C4orf36: variants seen among roughly 807,000 people sequenced by gnomAD.
C4orf36 encodes uncharacterized protein C4orf36.
A neutral mutation model predicts 12.2 loss-of-function variants in C4orf36; 11 were observed. The ratio of observed to expected loss-of-function variants is 0.90; its 90% CI spans 0.57 to 1.49. C4orf36 has a LOEUF of 1.49. Ranked by LOEUF, C4orf36 falls within the 40% of genes most tolerant of loss-of-function variation. The probability of loss-of-function intolerance (pLI) is 0.00; values close to 1 mark genes in which losing one functional copy is unlikely to be tolerated. For missense variants in C4orf36, 137 were observed against 133.9 expected (o/e 1.02, Z -0.11); for synonymous variants, 54 against 51.3 (o/e 1.05, Z -0.22).
At chr4:86,906,728 CAAAAA>C in the C4orf36 span, among the ~76,000 whole-genome samples, 4 of 78,830 alleles carry the variant, frequency 5.1e-5, no homozygotes, top group Non-Finnish European at 6.6e-5. Context: ...AAGACGGTCT[CAAAAA>C]AAAAAAAAAA....
the C4orf36 span, among the ~76,000 whole-genome samples, chr4:86,923,236 T>C: frequency 6.6e-6 from 1 of 151,816 alleles, no homozygotes; most frequent in Non-Finnish European, 1.5e-5. Flanking sequence ...AGACTACAGG[T>C]ATGTACCACT....
At chr4:86,918,361 C>T in the C4orf36 span, among the ~76,000 whole-genome samples, 1 of 152,186 alleles carries the variant, frequency 6.6e-6, no homozygotes, top group Non-Finnish European at 1.5e-5. Flanking sequence ...AGTGCCATCT[C>T]CTCCACAGCC....
chr4:86,883,122 G>A (rs1201293553), intron 4 of C4orf36, among the ~76,000 whole-genome samples: 2 of 152,150 alleles, frequency 1.3e-5, no homozygotes, highest in Non-Finnish European at 2.9e-5. Flanking sequence ...AGGGCTCCCT[G>A]GTGGCTCCAG....
the C4orf36 span, among the ~76,000 whole-genome samples, chr4:86,900,961 T>C: frequency 6.6e-6 from 1 of 151,836 alleles, no homozygotes; most frequent in African/African-American, 2.4e-5. Context: ...ATCATGTCTG[T>C]CTGCTCAAAT....
the C4orf36 span, chr4:86,933,078 A>T: frequency 4.6e-5 from 7 of 152,240 alleles, no homozygotes; most frequent in Non-Finnish European, 8.8e-5. Flanking sequence ...CACTTTTTAA[A>T]ATAGCCTTCT....
At chr4:86,936,069 C>T in the C4orf36 span, 1 of 152,142 alleles carries the variant, frequency 6.6e-6, no homozygotes, top group Non-Finnish European at 1.5e-5. Context: ...TTTCTCTTCC[C>T]GGAGCTTCTC....
chr4:86,930,098 C>A, the C4orf36 span, among the ~76,000 whole-genome samples: 1 of 152,202 alleles, frequency 6.6e-6, no homozygotes, highest in Non-Finnish European at 1.5e-5. Flanking sequence ...GGTGCTCTTA[C>A]CTCCAATCCT....
At chr4:86,879,589 G>C (rs761129159) in intron 4 of C4orf36, among the ~76,000 whole-genome samples, 1 of 152,158 alleles carries the variant, frequency 6.6e-6, no homozygotes, top group Non-Finnish European at 1.5e-5. Flanking sequence ...AGACCCAGAA[G>C]AAAAGGGAGA....
At chr4:86,931,014 T>C in the C4orf36 span, among the ~76,000 whole-genome samples, 5 of 152,224 alleles carry the variant, frequency 3.3e-5, no homozygotes, top group Admixed American at 6.5e-5. Flanking sequence ...GGGATTATAA[T>C]TGTAGCCTGA....
chr4:86,919,119 G>GGAGAGA, the C4orf36 span, among the ~76,000 whole-genome samples: 212 of 145,340 alleles, frequency 1.5e-3, 2 homozygotes, highest in African/African-American at 3.6e-3. Flanking sequence ...CCCAGCTCCA[G>GGAGAGA]GAGAGAGAGA....
chr4:86,933,340 G>A, the C4orf36 span: 1 of 152,136 alleles, frequency 6.6e-6, no homozygotes, highest in Admixed American at 6.5e-5. Flanking sequence ...TCATCAATAT[G>A]GCTCGTCACC....
chr4:86,914,528 G>A, the C4orf36 span: 12 of 479,382 alleles, frequency 2.5e-5, no homozygotes, highest in African/African-American at 1.4e-4. Flanking sequence ...AGCCTCCCGG[G>A]TAGCTGGGAT....
At chr4:86,935,402 C>T in the C4orf36 span, 1 of 152,300 alleles carries the variant, frequency 6.6e-6, no homozygotes, top group African/African-American at 2.4e-5. Flanking sequence ...GGTGGGAGCC[C>T]TCGGGGAGAA....
In C4orf36 at chr4:86,887,828, A is replaced by G. The variant is rs779725406; in HGVS notation, c.286T>C (p.Ser96Pro). Reference protein sequence around the residue: ...LCKLKCQENTSKEIQLLLRER... With the variant: ...LCKLKCQENTPKEIQLLLRER... ...CTCAGGAGAAGCTGAATTTCCTTAG[A>G]TGTATTTTCTTGACACTTCAGTTTA... Residue 96 changes from serine to proline, a missense_variant, in exon 4 of 5, where the codon TCT becomes CCT. Coordinates refer to ENST00000295898, the MANE Select transcript of C4orf36 (RefSeq NM_144645.4). The G allele has an allele frequency of 5.0e-6, 8 of 1,614,062 alleles. No individual in the cohort carries two copies. Among genetic ancestry groups the G allele is most frequent in the African/African-American group, 1.3e-5 (1 of 74,940 alleles).
chr4:86,910,537 T>A, the C4orf36 span, among the ~76,000 whole-genome samples: 10 of 149,372 alleles, frequency 6.7e-5, no homozygotes, highest in South Asian at 2.1e-4. Context: ...TGTGAAAATA[T>A]CATCCCAAGG....
chr4:86,893,775 G>A (rs1487314680), upstream of C4orf36, among the ~76,000 whole-genome samples: 2 of 152,180 alleles, frequency 1.3e-5, no homozygotes, highest in East Asian at 3.9e-4. Context: ...TGAGCACCGA[G>A]GAGTGACAGT....
the C4orf36 span, among the ~76,000 whole-genome samples, chr4:86,928,195 A>G: frequency 3.5e-4 from 54 of 152,204 alleles, no homozygotes; most frequent in African/African-American, 1.2e-3. Context: ...ATACTGAAAG[A>G]CCCAAAAGGG....
At chr4:86,919,621 G>A in the C4orf36 span, among the ~76,000 whole-genome samples, 2 of 152,028 alleles carry the variant, frequency 1.3e-5, no homozygotes, top group South Asian at 4.1e-4. Flanking sequence ...TACTGCGCCC[G>A]GCCCCATTCT....
At chr4:86,881,924 C>T (rs982008901) in intron 4 of C4orf36, among the ~76,000 whole-genome samples, 3 of 152,096 alleles carry the variant, frequency 2.0e-5, no homozygotes, top group African/African-American at 7.2e-5. Flanking sequence ...GTGATCCACC[C>T]ATCTCAGCCT....
Sources: allele counts gnomAD v4.1 joint callset (sites outside exome capture counted in the v4.1 genomes callset), GRCh38; gene constraint gnomAD v4.1.1; transcripts MANE v1.5; gene names NCBI Gene and HGNC (gene_info 2026-07-23, HGNC 2026-07-21).